PRH1: variants seen among roughly 807,000 people sequenced by gnomAD.
PRH1 encodes the protein salivary acidic proline-rich phosphoprotein 1/2.
A neutral mutation model predicts 7.9 loss-of-function variants in PRH1; 7 were observed. The observed-to-expected ratio is 0.89, with a 90% CI of 0.50 to 1.67. PRH1 has a LOEUF of 1.67. Ranked by LOEUF, PRH1 falls within the 40% of genes most tolerant of loss-of-function variation. The pLI, the probability that PRH1 is intolerant of heterozygous loss-of-function variation, is 0.00. For missense variants in PRH1, 109 were observed against 223.6 expected, an observed-to-expected ratio of 0.49 and a Z score of 3.27; for synonymous variants, 45 against 80.8, an observed-to-expected ratio of 0.56 and a Z score of 2.38.
chr12:11,006,367 TTTTC>T (rs1477981044), intron 1 of PRH1: 2 of 142,876 alleles, frequency 1.4e-5, no homozygotes, highest in African/African-American at 4.9e-5. Flanking sequence ...TCTTTTCTCC[TTTTC>T]TTTTTTTTTT....
chr12:10,964,891 C>G (rs765777871), intron 2 of PRH1: 3 of 567,424 alleles, frequency 5.3e-6, no homozygotes, highest in Non-Finnish European at 6.6e-6. Context: ...ATTCTTTTGT[C>G]CACATACTCT....
chr12:11,116,046 T>C (rs1945722714), downstream of PRH1, among the ~76,000 whole-genome samples: 1 of 151,366 alleles, frequency 6.6e-6, no homozygotes, highest in Admixed American at 6.6e-5. Context: ...ATAATAAAAA[T>C]TACAGCAGAA....
intron 1 of PRH1, among the ~76,000 whole-genome samples, chr12:11,054,064 A>G (rs1233517785): frequency 1.3e-5 from 2 of 151,490 alleles, no homozygotes; most frequent in Non-Finnish European, 2.9e-5. Flanking sequence ...CAGGTGATCC[A>G]CCAGTCTCAA....
In PRH1 at chr12:11,081,978, T is replaced by C. The variant is rs1189674221; in HGVS notation, n.124-34790A>G. On this transcript the variant is annotated intron_variant and non_coding_transcript_variant, in intron 1 of 4. Coordinates refer to the PRH1 transcript ENST00000541977. ...ACATGGATTAGTTTAATATAATTTA[T>C]AATTGTTTCCTTAAGCATTGTATTT... is the stretch of plus-strand genomic sequence containing the variant. 4.9e-3 allele frequency among the ~76,000 whole-genome samples: 452 copies of C among 91,778 alleles called. 1 individual carries two copies. The highest frequency in any genetic ancestry group is 0.01 in the Middle Eastern group (2 of 198). 60.2% of individuals were successfully genotyped at this position (91,778 alleles called of 152,430 possible).
intron 1 of PRH1, among the ~76,000 whole-genome samples, chr12:11,152,768 T>C (rs1947138190): frequency 6.6e-6 from 1 of 152,190 alleles, no homozygotes. Context: ...CTTTAGAATA[T>C]TAGCAGAATG....
intron 1 of PRH1, among the ~76,000 whole-genome samples, chr12:11,058,069 C>T (rs953894906): frequency 6.6e-6 from 1 of 152,110 alleles, no homozygotes; most frequent in African/African-American, 2.4e-5. Flanking sequence ...AATCCCAGCC[C>T]TACAAAAAAT....
At chr12:10,976,537 C>T (rs1220116823) in intron 1 of PRH1, among the ~76,000 whole-genome samples, 1 of 151,942 alleles carries the variant, frequency 6.6e-6, no homozygotes, top group Non-Finnish European at 1.5e-5. Context: ...CAAACCAATG[C>T]CAAAGCTAAC....
At chr12:10,916,233 C>T (rs1395484096) in intron 2 of PRH1, among the ~76,000 whole-genome samples, 2 of 152,078 alleles carry the variant, frequency 1.3e-5, no homozygotes, top group African/African-American at 2.4e-5. Flanking sequence ...GACCCGCCCA[C>T]GATTCAGTTG....
intron 2 of PRH1, among the ~76,000 whole-genome samples, chr12:10,956,899 A>T (rs764856032): frequency 1.3e-5 from 2 of 152,142 alleles, no homozygotes; most frequent in Admixed American, 6.5e-5. Context: ...GAGACTGTTC[A>T]ATTAAATCCA....
intron 1 of PRH1, chr12:10,986,899 A>G (rs756350870): frequency 1.7e-4 from 237 of 1,391,762 alleles, no homozygotes; most frequent in Non-Finnish European, 2.2e-4. Flanking sequence ...CAAGCCTAAT[A>G]TCACTGGTTG....
chr12:11,076,173 G>A (rs79636524), intron 1 of PRH1, among the ~76,000 whole-genome samples: 1,402 of 23,504 alleles, frequency 0.06, 517 homozygotes, highest in Non-Finnish European at 0.16. Flanking sequence ...ACACAGTCAT[G>A]CAGAATTTAG....
At chr12:11,019,275 C>T (rs2136063414) in intron 1 of PRH1, among the ~76,000 whole-genome samples, 1 of 152,384 alleles carries the variant, frequency 6.6e-6, no homozygotes, top group African/African-American at 2.4e-5. Flanking sequence ...CTGATGACCA[C>T]CATGCTGTCT....
At chr12:11,094,340 A>G (rs182527480) in intron 1 of PRH1, among the ~76,000 whole-genome samples, 1 of 109,332 alleles carries the variant, frequency 9.1e-6, no homozygotes, top group East Asian at 2.1e-4. Context: ...ACGTCAAACG[A>G]CATGTGAGAT....
chr12:11,148,348 G>T (rs1367339113), intron 1 of PRH1, among the ~76,000 whole-genome samples: 1 of 151,662 alleles, frequency 6.6e-6, no homozygotes, highest in Non-Finnish European at 1.5e-5. Flanking sequence ...GTGAGAGAGG[G>T]CATCCCTGTC....
upstream of PRH1, among the ~76,000 whole-genome samples, chr12:11,049,652 G>T (rs1943061235): frequency 6.6e-6 from 1 of 152,136 alleles, no homozygotes; most frequent in African/African-American, 2.4e-5. Context: ...TTTGTGTCCA[G>T]CATCGTCAGT....
intron 1 of PRH1, among the ~76,000 whole-genome samples, chr12:11,044,569 T>C (rs1942838905): frequency 6.6e-6 from 1 of 151,782 alleles, no homozygotes; most frequent in South Asian, 2.1e-4. Flanking sequence ...AACCAGAATA[T>C]AAAAGGAGCT....
intron 1 of PRH1, among the ~76,000 whole-genome samples, chr12:11,114,476 G>A (rs1945676315): frequency 6.6e-6 from 1 of 152,084 alleles, no homozygotes; most frequent in South Asian, 2.1e-4. Context: ...ACACAGGGAG[G>A]ACACAGGGAA....
At chr12:11,098,972 T>C (rs1470219617) in intron 1 of PRH1, among the ~76,000 whole-genome samples, 1 of 152,198 alleles carries the variant, frequency 6.6e-6, no homozygotes, top group Non-Finnish European at 1.5e-5. Context: ...GAATAATATT[T>C]ATTTATCAAA....
chr12:11,096,973 T>C lies in PRH1; in HGVS notation n.124-49785A>G, dbSNP rs1182940686. Among the ~76,000 whole-genome samples, 2 of 113,976 alleles carry C rather than the reference T, an allele frequency of 1.8e-5. 1 individual carries two copies. Among genetic ancestry groups the C allele is most frequent in the Non-Finnish European group, 4.1e-5 (2 of 48,438 alleles). 74.8% of individuals were successfully genotyped at this position (113,976 alleles called of 152,430 possible). ...CCACCACGCTCGGCTAATTTTTTCG[T>C]ATTTTTAGTAGAGACGGGGTTTCAC... On this transcript the variant is annotated intron_variant and non_coding_transcript_variant, in intron 1 of 4. Transcript: ENST00000541977.
Sources: gnomAD v4.1 joint callset for allele counts (sites outside exome capture counted in the v4.1 genomes callset) on GRCh38, gnomAD v4.1.1 for gene constraint, MANE v1.5 for transcripts, NCBI Gene and HGNC (gene_info 2026-07-23, HGNC 2026-07-21) for gene names.